XKR4: variants seen among roughly 807,000 people sequenced by gnomAD.
The protein encoded by XKR4 is XK related 4.
A neutral mutation model predicts 53.9 loss-of-function variants in XKR4; 12 were observed. The ratio of observed to expected loss-of-function variants is 0.22; its 90% CI spans 0.14 to 0.36. XKR4 has a LOEUF of 0.36. XKR4 is among the 10% of genes least tolerant of loss of function. The pLI, the probability that XKR4 is intolerant of heterozygous loss-of-function variation, is 1.00. For synonymous variants in XKR4, 354 were observed against 362.4 expected (o/e 0.98, Z 0.26); for missense variants, 799 against 859.5 (o/e 0.93, Z 0.88).
Position 55,102,149 on chromosome 8 carries a change from T to TGGC in XKR4, c.-327_-325dup, listed in dbSNP as rs989670686. ...CGGCGGCCGCTGCTGCTCCTGCTGC[T>TGGC]GGCGGCGGCGGCGGCTCGGGCGGCA... On this transcript the variant is annotated 5_prime_UTR_variant, in exon 1 of 3. Coordinates refer to ENST00000327381, the MANE Select transcript of XKR4 (RefSeq NM_052898.2). This position sits in a 1 kb window ranked among gnomAD's most constrained non-coding sequence, Gnocchi z 5.1. 2.1e-5 allele frequency among the ~76,000 whole-genome samples: 3 copies of TGGC among 145,610 alleles called. No homozygotes were observed. The South Asian group carries it at 7.4e-4, about 36-fold the overall frequency.
At chr8:55,277,994 C>G (rs1437911130) in intron 1 of XKR4, among the ~76,000 whole-genome samples, 4 of 152,044 alleles carry the variant, frequency 2.6e-5, no homozygotes, top group Non-Finnish European at 4.4e-5. Context: ...TGCAGGAGTC[C>G]TAAGCATTGG....
At chr8:55,478,398 A>G (rs1161776851) in intron 2 of XKR4, among the ~76,000 whole-genome samples, 1 of 152,086 alleles carries the variant, frequency 6.6e-6, no homozygotes, top group African/African-American at 2.4e-5. Flanking sequence ...TCCTGAAGGA[A>G]GCACTAAACA....
At chr8:55,129,522 G>A (rs1816524665) in intron 1 of XKR4, among the ~76,000 whole-genome samples, 1 of 151,440 alleles carries the variant, frequency 6.6e-6, no homozygotes, top group South Asian at 2.1e-4. Context: ...CTTGTTTAAT[G>A]GATTTAGTAA....
chr8:55,479,855 G>C (rs1208911878), intron 2 of XKR4, among the ~76,000 whole-genome samples: 1 of 151,868 alleles, frequency 6.6e-6, no homozygotes, highest in Non-Finnish European at 1.5e-5. Context: ...CCAAGAAGAA[G>C]TTGACTCTCT....
At chr8:55,447,996 T>C (rs1805371267) in intron 2 of XKR4, among the ~76,000 whole-genome samples, 1 of 152,178 alleles carries the variant, frequency 6.6e-6, no homozygotes, top group African/African-American at 2.4e-5. Context: ...GCCCCCACCC[T>C]CACTCCTGAG....
chr8:55,245,193 C>T (rs2129368821), intron 1 of XKR4, among the ~76,000 whole-genome samples: 1 of 152,216 alleles, frequency 6.6e-6, no homozygotes, highest in East Asian at 1.9e-4. Context: ...AGGCATGAGC[C>T]ACCATGCCCG....
intron 1 of XKR4, among the ~76,000 whole-genome samples, chr8:55,334,253 C>T (rs757557092): frequency 3.9e-5 from 6 of 152,140 alleles, no homozygotes; most frequent in African/African-American, 9.7e-5. Context: ...GAAGTGTCTG[C>T]TGCTACATAT....
At position 55,288,101 on chromosome 8, in the gene XKR4, C is replaced by T. The variant is rs577140433; in HGVS notation, c.807-69577C>T. ...TAGTGTTAGTGTATTTTATATGTGG[C>T]CCAAGACAATTCTTCTTCCAATGTG... On this transcript the variant is annotated intron_variant, in intron 1 of 2. Coordinates refer to ENST00000327381, the MANE Select transcript of XKR4 (RefSeq NM_052898.2). 4.6e-5 allele frequency among the ~76,000 whole-genome samples: 7 copies of T among 152,180 alleles called. No individual in the cohort carries two copies. In the East Asian group the frequency reaches 7.7e-4, roughly 17 times the overall value.
At chr8:55,417,042 T>A (rs886882057) in intron 2 of XKR4, among the ~76,000 whole-genome samples, 1 of 152,170 alleles carries the variant, frequency 6.6e-6, no homozygotes, top group African/African-American at 2.4e-5. Flanking sequence ...AGACCAATTA[T>A]ATCAGTACCT....
rs1035051319 is a variant in XKR4, at chr8:55,449,408, C to G, written c.1007-73873C>G. The G allele has an allele frequency of 1.3e-4, 82 of 646,418 alleles. No individual in the cohort carries two copies. In the African/African-American group the frequency reaches 1.5e-3, roughly 11 times the overall value. 40.0% of individuals were successfully genotyped at this position (646,418 alleles called of 1,614,324 possible). A position where few individuals can be genotyped will look rare whatever the true frequency, so the allele number is the denominator to read the frequency against. On this transcript the variant is annotated intron_variant, in intron 2 of 2. Coordinates refer to ENST00000327381, the MANE Select transcript of XKR4 (RefSeq NM_052898.2). ...TGGGGGCTCGGGGCCTCACTACTGC[C>G]GAGGGCCGGGCCGGGGCTGTAAACA...
Position 55,107,211 on chromosome 8 carries a change from C to T in XKR4, c.806+3917C>T, listed in dbSNP as rs907930024. On this transcript the variant is annotated intron_variant, in intron 1 of 2. Transcript: ENST00000327381. Reference sequence around the variant, plus strand: ...TAACCTAAAAGAAAATTATTAGTATCTGTATATGTGAGACAACTGTCTCAG... The same window carrying T: ...TAACCTAAAAGAAAATTATTAGTATTTGTATATGTGAGACAACTGTCTCAG... 2.0e-5 allele frequency among the ~76,000 whole-genome samples: 3 copies of T among 152,130 alleles called. No individual in the cohort carries two copies. In the South Asian group the frequency reaches 6.2e-4, roughly 32 times the overall value.
intron 2 of XKR4, among the ~76,000 whole-genome samples, chr8:55,479,763 A>G (rs578166961): frequency 6.6e-6 from 1 of 152,234 alleles, no homozygotes; most frequent in Non-Finnish European, 1.5e-5. Context: ...AGAGAATACT[A>G]TAAACACCTC....
At chr8:55,124,797 T>C (rs1410044542) in intron 1 of XKR4, among the ~76,000 whole-genome samples, 1 of 152,198 alleles carries the variant, frequency 6.6e-6, no homozygotes, top group Non-Finnish European at 1.5e-5. Context: ...CACTGCAACC[T>C]TGAATTCCTG....
At chr8:55,498,428 C>G (rs1178838476) in intron 2 of XKR4, among the ~76,000 whole-genome samples, 1 of 152,136 alleles carries the variant, frequency 6.6e-6, no homozygotes, top group Non-Finnish European at 1.5e-5. Context: ...GTCCAGGCAC[C>G]GAGCGCATCC....
intron 2 of XKR4, among the ~76,000 whole-genome samples, chr8:55,493,399 A>G (rs1806298373): frequency 6.6e-6 from 1 of 152,198 alleles, no homozygotes; most frequent in Non-Finnish European, 1.5e-5. Context: ...CACTATTGCA[A>G]TAGTCTGTAG....
chr8:55,477,161 C>T (rs1339417745), intron 2 of XKR4, among the ~76,000 whole-genome samples: 1 of 152,100 alleles, frequency 6.6e-6, no homozygotes, highest in Non-Finnish European at 1.5e-5. Context: ...CAGACTGACA[C>T]CTCACACAGC....
intron 2 of XKR4, among the ~76,000 whole-genome samples, chr8:55,430,094 A>C (rs1039242017): frequency 6.6e-6 from 1 of 152,248 alleles, no homozygotes; most frequent in Non-Finnish European, 1.5e-5. Flanking sequence ...ATGAAATATT[A>C]CTACTTACCT....
chr8:55,415,078 C>T (rs1021483540), intron 2 of XKR4, among the ~76,000 whole-genome samples: 3 of 152,194 alleles, frequency 2.0e-5, no homozygotes, highest in Non-Finnish European at 4.4e-5. Context: ...TCAAAACAGG[C>T]AGAGTACATC....
intron 2 of XKR4, among the ~76,000 whole-genome samples, chr8:55,371,485 C>A (rs1008210342): frequency 6.6e-6 from 1 of 152,138 alleles, no homozygotes; most frequent in Non-Finnish European, 1.5e-5. Context: ...TCTGTCTTTG[C>A]ATTGTTCAAT....
Sources: allele counts gnomAD v4.1 joint callset (sites outside exome capture counted in the v4.1 genomes callset), GRCh38; gene constraint gnomAD v4.1.1; non-coding constraint Gnocchi (gnomAD v3.1); transcripts MANE v1.5; gene names NCBI Gene and HGNC (gene_info 2026-07-23, HGNC 2026-07-21).